Variants in NPAS3 observed in about 807,000 individuals in gnomAD.
The protein encoded by NPAS3 is neuronal PAS domain-containing protein 3.
A neutral mutation model predicts 73.1 loss-of-function variants in NPAS3; 14 were observed. The observed-to-expected ratio is 0.19, with a 90% CI of 0.13 to 0.30. NPAS3 has a LOEUF of 0.30. Ranked by LOEUF, NPAS3 falls within the 10% of genes least tolerant of loss-of-function variation. The pLI is 1.00. For synonymous variants in NPAS3, 620 were observed against 541.5 expected (o/e 1.14, Z -2.01); for missense variants, 1,096 against 1,250.0 (o/e 0.88, Z 1.86).
chr14:33,609,331 TC>T (rs2057678075), intron 5 of NPAS3, among the ~76,000 whole-genome samples: 2 of 152,216 alleles, frequency 1.3e-5, no homozygotes, highest in African/African-American at 2.4e-5. Flanking sequence ...TTGTTGGTGT[TC>T]TGAATTCATC....
intron 6 of NPAS3, among the ~76,000 whole-genome samples, chr14:33,729,689 A>G (rs1566475589): frequency 6.6e-6 from 1 of 152,298 alleles, no homozygotes; most frequent in Non-Finnish European, 1.5e-5. Context: ...ACTGGTTTCC[A>G]TCAGAGTGAA....
chr14:33,360,097 C>A (rs1252205539), intron 3 of NPAS3, among the ~76,000 whole-genome samples: 1 of 152,206 alleles, frequency 6.6e-6, no homozygotes, highest in East Asian at 1.9e-4. Flanking sequence ...CCTGCCTCGC[C>A]CAGTGGACTG....
At chr14:33,139,128 T>C (rs1595530909) in intron 2 of NPAS3, among the ~76,000 whole-genome samples, 1 of 152,312 alleles carries the variant, frequency 6.6e-6, no homozygotes, top group African/African-American at 2.4e-5. Flanking sequence ...TAATATTCTG[T>C]TTAGTACATC....
chr14:33,141,854 C>T (rs1024066586), intron 2 of NPAS3, among the ~76,000 whole-genome samples: 2 of 152,158 alleles, frequency 1.3e-5, no homozygotes, highest in South Asian at 4.1e-4. Flanking sequence ...CGATAGATAG[C>T]TTTCCAGCAA....
intron 2 of NPAS3, among the ~76,000 whole-genome samples, chr14:33,111,435 C>A (rs758837958): frequency 1.3e-5 from 2 of 152,100 alleles, no homozygotes; most frequent in Middle Eastern, 3.2e-3. Flanking sequence ...TAAAAAATAG[C>A]CCTATTATCA....
intron 3 of NPAS3, among the ~76,000 whole-genome samples, chr14:33,336,925 G>A (rs2044255041): frequency 6.6e-6 from 1 of 152,000 alleles, no homozygotes; most frequent in Non-Finnish European, 1.5e-5. Flanking sequence ...TTTTTATTGG[G>A]TTGTTTGTCT....
intron 1 of NPAS3, among the ~76,000 whole-genome samples, chr14:32,960,447 G>A (rs116343905): frequency 0.031 from 4,678 of 152,174 alleles, 96 homozygotes; most frequent in South Asian, 0.053. Context: ...CTCTTCCAGC[G>A]CTTAATGGTG....
chr14:33,102,943 A>T (rs1363725601), intron 2 of NPAS3, among the ~76,000 whole-genome samples: 1 of 152,136 alleles, frequency 6.6e-6, no homozygotes, highest in East Asian at 1.9e-4. Flanking sequence ...TGCATGGAGA[A>T]CTATTACCTT....
At chr14:33,645,836 A>C (rs1046080660) in intron 5 of NPAS3, among the ~76,000 whole-genome samples, 11 of 152,250 alleles carry the variant, frequency 7.2e-5, no homozygotes, top group African/African-American at 2.7e-4. Context: ...CTGTGGTTTC[A>C]TCTAGGCCCA....
At chr14:33,637,799 C>T (rs1471916987) in intron 5 of NPAS3, among the ~76,000 whole-genome samples, 4 of 152,100 alleles carry the variant, frequency 2.6e-5, no homozygotes, top group Admixed American at 1.3e-4. Context: ...TTATAAAGAA[C>T]GATTGCAAAG....
chr14:33,110,416 T>G (rs2138957730), intron 2 of NPAS3, among the ~76,000 whole-genome samples: 1 of 152,332 alleles, frequency 6.6e-6, no homozygotes, highest in African/African-American at 2.4e-5. Flanking sequence ...AAACAGTTTT[T>G]ACAATAGGAC....
intron 3 of NPAS3, among the ~76,000 whole-genome samples, chr14:33,246,268 G>A (rs546913397): frequency 2.7e-4 from 41 of 152,104 alleles, no homozygotes; most frequent in African/African-American, 9.6e-4. Flanking sequence ...GGCCAGGTGC[G>A]GTGGCTCACG....
intron 5 of NPAS3, among the ~76,000 whole-genome samples, chr14:33,579,991 C>T (rs1294095510): frequency 6.6e-6 from 1 of 152,124 alleles, no homozygotes. Flanking sequence ...GTTACATTTA[C>T]ATTTTTGTGT....
chr14:33,540,371 T>G (rs1566984616), intron 4 of NPAS3, among the ~76,000 whole-genome samples: 1 of 152,214 alleles, frequency 6.6e-6, no homozygotes, highest in African/African-American at 2.4e-5. Flanking sequence ...TCAACTCTCT[T>G]CAGCATTTTT....
At chr14:33,126,720 A>G (rs568929630) in intron 2 of NPAS3, among the ~76,000 whole-genome samples, 10 of 152,232 alleles carry the variant, frequency 6.6e-5, no homozygotes, top group African/African-American at 2.2e-4. Context: ...CCCTTGTTCT[A>G]CTTGGTAGGT....
chr14:33,609,528 TG>T (rs1241552822), intron 5 of NPAS3, among the ~76,000 whole-genome samples: 1 of 149,836 alleles, frequency 6.7e-6, no homozygotes, highest in African/African-American at 2.4e-5. Flanking sequence ...ACCAGATTTT[TG>T]TTCCCCACTC....
rs149077919 is a variant in NPAS3 at position 33,652,053 on chromosome 14, G to A, written c.559-24158G>A. Among the ~76,000 whole-genome samples the A allele has an allele frequency of 5.8e-3, 880 of 152,162 alleles. 8 individuals are homozygous for A. Among genetic ancestry groups the A allele is most frequent in the African/African-American group, 0.02 (812 of 41,508 alleles). ...ATCAGCTGAGATTTTTGACAAATAC[G>A]GTTAAAAATCAAAAGCTGTGCTTTG... On this transcript the variant is annotated intron_variant, in intron 5 of 11. Transcript: ENST00000356141.
chr14:33,335,816 AC>A (rs1282602066), intron 3 of NPAS3, among the ~76,000 whole-genome samples: 1 of 152,032 alleles, frequency 6.6e-6, no homozygotes, highest in African/African-American at 2.4e-5. Flanking sequence ...GAATGGATGT[AC>A]CATGTTTTGT....
chr14:33,415,263 G>A (rs1236544339), intron 4 of NPAS3, among the ~76,000 whole-genome samples: 2 of 152,062 alleles, frequency 1.3e-5, no homozygotes, highest in African/African-American at 4.8e-5. Flanking sequence ...TCCTTATCAA[G>A]TATTATAACA....
Sources: gnomAD v4.1 joint callset for allele counts (sites outside exome capture counted in the v4.1 genomes callset) on GRCh38, gnomAD v4.1.1 for gene constraint, MANE v1.5 for transcripts, NCBI Gene and HGNC (gene_info 2026-07-23, HGNC 2026-07-21) for gene names.